Variants in ATP10A observed in about 807,000 individuals in gnomAD.
The protein encoded by ATP10A is ATPase phospholipid transporting 10A (putative).
ATP10A carries 111 observed loss-of-function variants against 147.8 expected under a neutral mutation model. That is an observed-to-expected ratio of 0.75 (90% confidence interval 0.64 to 0.88). ATP10A has a LOEUF of 0.88. Among genes scored for constraint, ATP10A ranks in the 40% least tolerant of loss-of-function variants. The probability of loss-of-function intolerance (pLI) is 0.00; values close to 1 mark genes in which losing one functional copy is unlikely to be tolerated. For synonymous variants in ATP10A, 875 were observed against 841.6 expected, an observed-to-expected ratio of 1.04 and a Z score of -0.69; for missense variants, 1,927 against 1,959.0, an observed-to-expected ratio of 0.98 and a Z score of 0.31.
rs192388790 is a variant in ATP10A, at chr15:25,848,647, G to A, written c.449+14001C>T. 7 of 154,248 alleles carry A rather than the reference G, an allele frequency of 4.5e-5. No individual in the cohort carries two copies. The East Asian group carries it at 1.2e-3, about 26-fold the overall frequency. The allele number at this position is 154,248 out of a possible 1,614,324, so 9.6% of individuals were successfully genotyped here. A position where few individuals can be genotyped will look rare whatever the true frequency, so the allele number is the denominator to read the frequency against. ...TGGCAAATTAAGTAGTATTCATATC[G>A]GATCTCTCTGCCCGCTTTTCTTCCA... On this transcript the variant is annotated intron_variant, in intron 1 of 20. Transcript: ENST00000555815.
chr15:25,695,352 C>A (rs1233504192), intron 13 of ATP10A, among the ~76,000 whole-genome samples: 2 of 152,122 alleles, frequency 1.3e-5, no homozygotes. Context: ...TGGCCAGGCA[C>A]CGTGGGTGGC....
chr15:25,845,291 A>C (rs1322645540), intron 1 of ATP10A, among the ~76,000 whole-genome samples: 1 of 151,572 alleles, frequency 6.6e-6, no homozygotes, highest in Non-Finnish European at 1.5e-5. Context: ...AGCCTTCAAA[A>C]TCAGGAAATC....
intron 1 of ATP10A, among the ~76,000 whole-genome samples, chr15:25,811,185 A>G (rs75601933): frequency 6.6e-6 from 1 of 152,202 alleles, no homozygotes; most frequent in East Asian, 1.9e-4. Context: ...GTCAGTATCC[A>G]GGGGCACTGC....
At chr15:25,799,449 G>A (rs555334005) in intron 1 of ATP10A, among the ~76,000 whole-genome samples, 1 of 152,256 alleles carries the variant, frequency 6.6e-6, no homozygotes, top group African/African-American at 2.4e-5. Context: ...CCCGGCCCAA[G>A]CACCCTAAAC....
At chr15:25,675,746 G>A (rs1899123452), downstream of ATP10A, among the ~76,000 whole-genome samples, 1 of 152,216 alleles carries the variant, frequency 6.6e-6, no homozygotes, top group African/African-American at 2.4e-5. Context: ...CGGAGTTTGA[G>A]ACCAGCCTGG....
At chr15:25,716,669 G>T in intron 9 of ATP10A, 61 bp downstream of exon 9, 1 of 1,441,954 alleles carries the variant, frequency 6.9e-7, no homozygotes, top group South Asian at 1.4e-5. Context: ...CAGGAGGACT[G>T]ACAACCATGG....
chr15:25,685,221 A>C (rs900381719), intron 16 of ATP10A, among the ~76,000 whole-genome samples: 1 of 152,162 alleles, frequency 6.6e-6, no homozygotes, highest in South Asian at 2.1e-4. Flanking sequence ...AAAACTAATG[A>C]ATTTCTCATT....
intron 2 of ATP10A, among the ~76,000 whole-genome samples, chr15:25,747,583 G>A (rs1005298394): frequency 1.3e-5 from 2 of 151,918 alleles, no homozygotes; most frequent in Admixed American, 6.6e-5. Context: ...TACATCAACA[G>A]GTTAAAAGTG....
Position 25,679,447 on chromosome 15 carries a change from C to G in ATP10A, c.4394G>C (p.Gly1465Ala), listed in dbSNP as rs765333392. ...GACAGGAAGTCCACGTCCCGCTTGT[C>G]CATCTGCAAGCTGCTCCGTCCGGGA... ...QFSRTEQLAD[G>A]QAGRGLPVQP... is the part of the protein sequence containing the mutation. Residue 1465 changes from glycine to alanine, a missense_variant, in exon 21 of 21, where the codon GGA (glycine) becomes GCA (alanine). Transcript: ENST00000555815. The G allele has an allele frequency of 3.1e-6, 5 of 1,614,030 alleles. No individual in the cohort carries two copies. In the South Asian group the frequency reaches 5.5e-5, roughly 18 times the overall value.
chr15:25,795,747 T>C (rs1471836424), intron 1 of ATP10A, among the ~76,000 whole-genome samples: 2 of 152,266 alleles, frequency 1.3e-5, no homozygotes, highest in East Asian at 3.9e-4. Flanking sequence ...GTGTGGATGT[T>C]TGTCCCCTCC....
chr15:25,727,846 T>C (rs1362402422), intron 3 of ATP10A, among the ~76,000 whole-genome samples: 1 of 152,232 alleles, frequency 6.6e-6, no homozygotes, highest in Non-Finnish European at 1.5e-5. Context: ...TCCAGAGGGA[T>C]AGTCTAAGCT....
intron 13 of ATP10A, among the ~76,000 whole-genome samples, chr15:25,698,246 G>C (rs1387018649): frequency 1.3e-5 from 2 of 152,138 alleles, no homozygotes; most frequent in Non-Finnish European, 2.9e-5. Flanking sequence ...TGAGAAATAA[G>C]TCTGTACTAT....
chr15:25,797,799 A>G (rs991226686), intron 1 of ATP10A, among the ~76,000 whole-genome samples: 4 of 151,988 alleles, frequency 2.6e-5, no homozygotes, highest in African/African-American at 9.7e-5. Context: ...GTGGGGAGAG[A>G]GACCTTCAGC....
At chr15:25,691,152 T>A (rs1367619229) in intron 15 of ATP10A, among the ~76,000 whole-genome samples, 1 of 152,204 alleles carries the variant, frequency 6.6e-6, no homozygotes, top group South Asian at 2.1e-4. Context: ...TCATACTTAA[T>A]CAAATGTTGG....
chr15:25,759,456 G>A (rs1888635004), intron 2 of ATP10A, among the ~76,000 whole-genome samples: 2 of 152,120 alleles, frequency 1.3e-5, no homozygotes, highest in South Asian at 4.2e-4. Context: ...TGGGAGGGAG[G>A]AGTTTGAGCC....
intron 1 of ATP10A, among the ~76,000 whole-genome samples, chr15:25,826,178 G>A (rs773934298): frequency 2.2e-4 from 34 of 152,222 alleles, no homozygotes; most frequent in Middle Eastern, 3.4e-3. Context: ...TCAGAGTCCC[G>A]TAGGACATCA....
chr15:25,816,425 T>C (rs967522119), intron 1 of ATP10A, among the ~76,000 whole-genome samples: 2 of 152,170 alleles, frequency 1.3e-5, no homozygotes, highest in Non-Finnish European at 2.9e-5. Context: ...AATGAAAAAC[T>C]TTTTCCTTTC....
intron 1 of ATP10A, among the ~76,000 whole-genome samples, chr15:25,802,476 A>C (rs1247795317): frequency 2.6e-5 from 4 of 152,186 alleles, no homozygotes; most frequent in African/African-American, 9.7e-5. Flanking sequence ...GTAACAGGTC[A>C]CCACAAACCT....
At chr15:25,688,053 A>G (rs1899798297) in intron 15 of ATP10A, 1 of 573,938 alleles carries the variant, frequency 1.7e-6, no homozygotes. Flanking sequence ...ATGTCACCTT[A>G]TAAGATTCAT....
Sources: gnomAD v4.1 joint callset for allele counts (sites outside exome capture counted in the v4.1 genomes callset) on GRCh38, gnomAD v4.1.1 for gene constraint, MANE v1.5 for transcripts, NCBI Gene and HGNC (gene_info 2026-07-23, HGNC 2026-07-21) for gene names.